TTLL4: variants seen among roughly 807,000 people sequenced by gnomAD.
The protein encoded by TTLL4 is tubulin tyrosine ligase like 4.
Under a neutral mutation model 122.7 loss-of-function variants are expected in TTLL4, and 85 were observed. That is an observed-to-expected ratio of 0.69 (90% CI 0.58 to 0.83). The LOEUF is 0.83. Ranked by LOEUF, TTLL4 falls within the 40% of genes least tolerant of loss-of-function variation. The pLI is 0.00. For missense variants in TTLL4, 1,363 were observed against 1,488.6 expected (o/e 0.92, Z 1.39); for synonymous variants, 553 against 563.0 (o/e 0.98, Z 0.25).
chr2:218,748,080 C>A (rs1942897955), intron 11 of TTLL4, 25 bp from the exon 12 acceptor site: 4 of 1,614,042 alleles, frequency 2.5e-6, no homozygotes, highest in Non-Finnish European at 3.4e-6. Flanking sequence ...CATCTTACCT[C>A]TGCCTTTTGT....
Position 218,738,313 on chromosome 2 carries a change from T to C in TTLL4, c.637T>C (p.Tyr213His). The change falls in exon 3 of 20, where the codon TAT becomes CAT. Residue 213 changes from tyrosine to histidine, a missense_variant. Physicochemically the swap from Tyr to His is moderately conservative, Grantham distance 83. Coordinates refer to ENST00000392102, the MANE Select transcript of TTLL4 (RefSeq NM_014640.5). Reference sequence around the variant, plus strand: ...GATCCCATCTCCACTCTCTTCCTCCTATAAGCCCATGCTGAATAATAATTC... The same window carrying C: ...GATCCCATCTCCACTCTCTTCCTCCCATAAGCCCATGCTGAATAATAATTC... ...GKIPSPLSSS[Y>H]KPMLNNNSFM... 1 of 1,614,022 alleles carries C rather than the reference T, an allele frequency of 6.2e-7. No individual in the cohort carries two copies. The highest frequency in any genetic ancestry group is 8.5e-7 in the Non-Finnish European group (1 of 1,179,964).
At chr2:218,756,677 A>G (rs1450406081), downstream of TTLL4, among the ~76,000 whole-genome samples, 1 of 152,210 alleles carries the variant, frequency 6.6e-6, no homozygotes, top group African/African-American at 2.4e-5. Flanking sequence ...TGGGAAGGTT[A>G]AATTGGGAGT....
chr2:218,756,284 A>G (rs78975329), downstream of TTLL4, among the ~76,000 whole-genome samples: 7,492 of 151,966 alleles, frequency 0.049, 540 homozygotes, highest in African/African-American at 0.16. Context: ...CAACCAATCT[A>G]TTTCCATTGC....
chr2:218,744,148 T>G (rs1350724910), intron 5 of TTLL4, among the ~76,000 whole-genome samples: 1 of 152,250 alleles, frequency 6.6e-6, no homozygotes, highest in East Asian at 1.9e-4. Context: ...TTCCATAAAA[T>G]TCATTAAAAA....
In TTLL4 at chr2:218,714,335, A is replaced by T. The variant is rs541473828; in HGVS notation, c.-178+3298A>T. ...AAATCTGTATCTAGATGAAGCCTTAACTTCAGAATCCATCTGATACTCATG... is the reference window on the plus strand; with the variant it reads ...AAATCTGTATCTAGATGAAGCCTTATCTTCAGAATCCATCTGATACTCATG... On this transcript the variant is annotated intron_variant, in intron 1 of 19. Transcript: ENST00000392102. Among the ~76,000 whole-genome samples, 3 of 152,348 alleles carry T rather than the reference A, an allele frequency of 2.0e-5. No individual in the cohort carries two copies. The East Asian group carries it at 5.8e-4, about 29-fold the overall frequency.
At chr2:218,715,073 A>G (rs1941820008) in intron 1 of TTLL4, among the ~76,000 whole-genome samples, 1 of 152,250 alleles carries the variant, frequency 6.6e-6, no homozygotes, top group Non-Finnish European at 1.5e-5. Flanking sequence ...GCATAAGTTC[A>G]CTTAATGTTT....
chr2:218,743,033 A>C (rs1157735950), intron 5 of TTLL4, among the ~76,000 whole-genome samples: 3 of 151,840 alleles, frequency 2.0e-5, no homozygotes, highest in Non-Finnish European at 4.4e-5. Flanking sequence ...AATCCCAGCT[A>C]CTCGGGAGGC....
At chr2:218,724,286 T>G (rs1942123742) in intron 1 of TTLL4, among the ~76,000 whole-genome samples, 1 of 152,200 alleles carries the variant, frequency 6.6e-6, no homozygotes, top group Non-Finnish European at 1.5e-5. Flanking sequence ...AGTTTGGTTT[T>G]CCTCAGACCA....
chr2:218,716,884 C>T (rs539532358), intron 1 of TTLL4, among the ~76,000 whole-genome samples: 6 of 152,298 alleles, frequency 3.9e-5, no homozygotes, highest in African/African-American at 1.2e-4. Context: ...AATCTAATTT[C>T]GTGCCATCGT....
chr2:218,753,511 G>C, intron 18 of TTLL4, 73 bp from the exon 19 acceptor site: 1 of 1,419,964 alleles, frequency 7.0e-7, no homozygotes, highest in South Asian at 1.2e-5. Flanking sequence ...AGAGCTGGAG[G>C]GTACCAAGAC....
rs199614245 is a variant in TTLL4 at position 218,737,926 on chromosome 2, C to T, written c.250C>T (p.Pro84Ser). The T allele has an allele frequency of 2.4e-5, 38 of 1,614,072 alleles. No individual in the cohort carries two copies. The highest frequency in any genetic ancestry group is 3.1e-5 in the Non-Finnish European group (37 of 1,180,054). The change falls in exon 3 of 20, where the codon CCC becomes TCC. Residue 84 changes from proline to serine, a missense_variant. Transcript: ENST00000392102. The stretch of plus-strand genomic sequence containing the variant: ...ACCCCAGCCAGCATATTTCTTTTGC[C>T]CCAGCACTTTATGTAGCTCTGGGAC... Reference protein sequence around the residue: ...VPPQPAYFFCPSTLCSSGTTA... With the variant: ...VPPQPAYFFCSSTLCSSGTTA...
chr2:218,733,194 A>G (rs1321173197), intron 2 of TTLL4, among the ~76,000 whole-genome samples: 1 of 152,100 alleles, frequency 6.6e-6, no homozygotes, highest in African/African-American at 2.4e-5. Flanking sequence ...AACTTGCTAT[A>G]CTACACATCA....
intron 2 of TTLL4, chr2:218,727,996 G>A (rs1942244740): frequency 6.6e-6 from 1 of 152,098 alleles, no homozygotes; most frequent in African/African-American, 2.4e-5. Context: ...AACTTAACCT[G>A]TTGACTTATC....
chr2:218,735,608 A>G (rs1037424787), intron 2 of TTLL4, among the ~76,000 whole-genome samples: 3 of 152,010 alleles, frequency 2.0e-5, no homozygotes, highest in Admixed American at 2.0e-4. Flanking sequence ...CCTTCCCTCT[A>G]GCTACTCTGA....
At chr2:218,749,203 G>T in intron 13 of TTLL4, 50 bp from the exon 14 acceptor site, 1 of 1,607,008 alleles carries the variant, frequency 6.2e-7, no homozygotes, top group South Asian at 1.1e-5. Flanking sequence ...GCTCTGAGTA[G>T]AGCCCTCTGG....
intron 15 of TTLL4, 139 bp downstream of exon 15, chr2:218,750,285 T>C (rs1942981527): frequency 8.4e-7 from 1 of 1,187,368 alleles, no homozygotes; most frequent in Admixed American, 2.7e-5. Context: ...TCCACTAACA[T>C]GCTACCATGC....
chr2:218,715,602 G>T (rs1190846691), intron 1 of TTLL4, among the ~76,000 whole-genome samples: 1 of 152,066 alleles, frequency 6.6e-6, no homozygotes, highest in African/African-American at 2.4e-5. Flanking sequence ...GCATAGAAAA[G>T]GCTACTGTAA....
chr2:218,758,326 C>T (rs1473772005), downstream of TTLL4, among the ~76,000 whole-genome samples: 1 of 152,092 alleles, frequency 6.6e-6, no homozygotes, highest in African/African-American at 2.4e-5. Context: ...AAACTGGGGA[C>T]ACCAAAGCCT....
intron 16 of TTLL4, 49 bp from the exon 17 acceptor site, chr2:218,752,714 T>G (rs757907225): frequency 1.2e-6 from 2 of 1,602,328 alleles, no homozygotes; most frequent in South Asian, 1.1e-5. Context: ...TCTCTGCCCC[T>G]GGCTTACACT....
Sources: gnomAD v4.1 joint callset for allele counts (sites outside exome capture counted in the v4.1 genomes callset) on GRCh38, gnomAD v4.1.1 for gene constraint, MANE v1.5 for transcripts, NCBI Gene and HGNC (gene_info 2026-07-23, HGNC 2026-07-21) for gene names.